MNT: variants seen among roughly 807,000 people sequenced by gnomAD.
MNT encodes the protein MAX network transcriptional repressor.
Under a neutral mutation model 40.7 loss-of-function variants are expected in MNT, and 13 were observed. The ratio of observed to expected loss-of-function variants is 0.32; its 90% CI spans 0.21 to 0.51. MNT has a LOEUF of 0.51. Ranked by LOEUF, MNT falls within the 20% of genes least tolerant of loss-of-function variation. The pLI is 0.98. For missense variants in MNT, 757 were observed against 792.0 expected, an observed-to-expected ratio of 0.96 and a Z score of 0.53; for synonymous variants, 426 against 354.8, an observed-to-expected ratio of 1.20 and a Z score of -2.26.
In MNT at chr17:2,401,022, C is replaced by CG; in HGVS notation, c.-311dup. On this transcript the variant is annotated 5_prime_UTR_variant, in exon 1 of 6. Coordinates refer to ENST00000174618, the MANE Select transcript of MNT (RefSeq NM_020310.3). ...CCGATGCCTCCCGCCCCGCGGCCCCCGGGAGTCCCGCCGACAAGAAAGGGC... is the reference window on the plus strand; with the variant it reads ...CCGATGCCTCCCGCCCCGCGGCCCCCGGGGAGTCCCGCCGACAAGAAAGGGC... The CG allele has an allele frequency of 3.8e-6, 1 of 260,922 alleles. No individual in the cohort carries two copies. The highest frequency in any genetic ancestry group is 1.1e-3 in the Middle Eastern group (1 of 872). 16.2% of individuals were successfully genotyped at this position (260,922 alleles called of 1,614,324 possible). A position where few individuals can be genotyped will look rare whatever the true frequency, so the allele number is the denominator to read the frequency against.
chr17:2,394,284 C>CACACAA, intron 3 of MNT, 21 bp downstream of exon 3: 1 of 1,608,542 alleles, frequency 6.2e-7, no homozygotes, highest in Non-Finnish European at 8.5e-7. Context: ...CACGCACACA[C>CACACAA]ACACACACAC....
intron 4 of MNT, among the ~76,000 whole-genome samples, chr17:2,389,047 C>A (rs921775364): frequency 6.6e-6 from 1 of 151,914 alleles, no homozygotes; most frequent in Non-Finnish European, 1.5e-5. Flanking sequence ...CTCTGAACCC[C>A]GTCTGCCCTC....
chr17:2,395,172 C>T lies in MNT; in HGVS notation c.356G>A (p.Arg119His), dbSNP rs756345161. 7 of 1,408,616 alleles carry T rather than the reference C, an allele frequency of 5.0e-6. No individual in the cohort carries two copies. The highest frequency in any genetic ancestry group is 2.6e-5 in the East Asian group (1 of 38,354). 87.3% of individuals were successfully genotyped at this position (1,408,616 alleles called of 1,614,324 possible). Reference protein sequence around the residue: ...AAAQPLPLAPRQPALVGAPGL... With the variant: ...AAAQPLPLAPHQPALVGAPGL... ...GGGGGCGCCAACCAGGGCCGGCTGA[C>T]GAGGCGCCAGGGGCAGAGGCTGGGC... Residue 119 changes from arginine to histidine, a missense_variant, in exon 2 of 6, where the codon CGT becomes CAT. Arg to His is a conservative substitution (Grantham distance 29). This residue lies in a region of MNT where 335 missense variants were observed against 291.4 expected (regional missense o/e 1.15). Coordinates refer to ENST00000174618, the MANE Select transcript of MNT (RefSeq NM_020310.3).
At chr17:2,397,664 G>A (rs1176428674) in intron 1 of MNT, among the ~76,000 whole-genome samples, 1 of 152,154 alleles carries the variant, frequency 6.6e-6, no homozygotes, top group Non-Finnish European at 1.5e-5. Context: ...TACACCTGGA[G>A]CAGCATGAAA....
chr17:2,387,428 G>T lies in MNT; in HGVS notation c.1222C>A (p.Pro408Thr). 1.2e-6 allele frequency: 2 copies of T among 1,612,138 alleles called. No individual in the cohort carries two copies. The highest frequency in any genetic ancestry group is 1.7e-6 in the Non-Finnish European group (2 of 1,178,962). ...VQQQQPQQKTPLPAPPPPPAA... is the reference protein window; with the variant it reads ...VQQQQPQQKTTLPAPPPPPAA... ...GGTGGGGGAGGAGGGGCTGGCAGAG[G>T]GGTCTTCTGCTGTGGCTGCTGCTGC... The change falls in exon 6 of 6, where the codon CCT (proline) becomes ACT (threonine). Residue 408 changes from proline to threonine, a missense_variant. Transcript: ENST00000174618.
intron 1 of MNT, among the ~76,000 whole-genome samples, chr17:2,397,132 G>C (rs944990859): frequency 6.6e-6 from 1 of 152,202 alleles, no homozygotes. Context: ...GCCAGCCAGC[G>C]GGCCTCTTCC....
chr17:2,400,729 G>T lies in MNT; in HGVS notation c.-17C>A. On this transcript the variant is annotated 5_prime_UTR_variant, in exon 1 of 6. Transcript: ENST00000174618. ...TATGCTCATCGCGCCGAGAGCTGCC[G>T]GGGGCGCGCCGGGGCCGAGGCTGCG... 1 of 1,536,436 alleles carries T rather than the reference G, an allele frequency of 6.5e-7. No individual in the cohort carries two copies. The highest frequency in any genetic ancestry group is 2.6e-5 in the East Asian group (1 of 37,782).
At chr17:2,387,801 G>A (rs2066479714) in intron 5 of MNT, 56 bp downstream of exon 5, 5 of 1,556,028 alleles carry the variant, frequency 3.2e-6, no homozygotes, top group South Asian at 1.2e-5. Flanking sequence ...AGGGAGGCTG[G>A]AATTTGAGGT....
intron 4 of MNT, chr17:2,390,319 G>A (rs2151666888): frequency 6.6e-6 from 1 of 152,468 alleles, no homozygotes; most frequent in South Asian, 2.1e-4. Context: ...ATTAGACCCA[G>A]GTTTCCCTTC....
At position 2,395,266 on chromosome 17, in the gene MNT, C is replaced by A; in HGVS notation, c.262G>T (p.Val88Phe). The part of the protein sequence containing the change: ...PPLATPAPLT[V>F]IPIPVVTNSP... ...TTGGTCACCACAGGGATAGGGATGA[C>A]AGTCAGTGGGGCAGGGGTGGCAAGT... The change falls in exon 2 of 6, where the codon GTC (valine) becomes TTC (phenylalanine). Residue 88 changes from valine (V) to phenylalanine (F), a missense_variant. Val to Phe is a conservative substitution (Grantham distance 50). This residue lies in a region of MNT where 335 missense variants were observed against 291.4 expected (regional missense o/e 1.15). Transcript: ENST00000174618. 6.5e-7 allele frequency: 1 copy of A among 1,527,790 alleles called. No homozygotes were observed. The highest frequency in any genetic ancestry group is 1.2e-5 in the South Asian group (1 of 83,334). The allele number at this position is 1,527,790 out of a possible 1,614,324, so 94.6% of individuals were successfully genotyped here. A position where few individuals can be genotyped will look rare whatever the true frequency, so the allele number is the denominator to read the frequency against.
chr17:2,395,313 G>A lies in MNT; in HGVS notation c.215C>T (p.Pro72Leu). The change falls in exon 2 of 6, where the codon CCC becomes CTC. Residue 72 changes from proline (P) to leucine (L), a missense_variant. Transcript: ENST00000174618. The stretch of plus-strand genomic sequence containing the variant: ...AAGTGGTGGTGGGGGTGCCGGCGGG[G>A]GAGCCGGTGGAGACAGAGGCAGGGG... ...APPLPLSPPA[P>L]PPAPPPPLAT... The A allele has an allele frequency of 1.2e-6, 2 of 1,602,662 alleles. No individual in the cohort carries two copies. The highest frequency in any genetic ancestry group is 2.2e-5 in the South Asian group (2 of 90,336).
chr17:2,393,993 C>T, intron 4 of MNT, 50 bp downstream of exon 4: 1 of 1,339,594 alleles, frequency 7.5e-7, no homozygotes. Flanking sequence ...GGAGGGGCGG[C>T]GGAGGGAGGG....
rs1447676076 is a variant in MNT, at chr17:2,386,916, T to G, written c.1734A>C (p.Thr578=). The G allele has an allele frequency of 6.8e-7, 1 of 1,478,000 alleles. No homozygotes were observed. The highest frequency in any genetic ancestry group is 1.4e-5 in the South Asian group (1 of 70,706). The allele number at this position is 1,478,000 out of a possible 1,614,324, so 91.6% of individuals were successfully genotyped here. Residue 578 remains threonine, a synonymous_variant, in exon 6 of 6, where the codon ACA becomes ACC. Coordinates refer to ENST00000174618, the MANE Select transcript of MNT (RefSeq NM_020310.3). ...GGCCTCGTCCTCAAGCCAGCTTGAGTGTGCTGACTGGGAAGGAGGGCATGG... is the reference window on the plus strand; with the variant it reads ...GGCCTCGTCCTCAAGCCAGCTTGAGGGTGCTGACTGGGAAGGAGGGCATGG... ...MVTMPSFPVS[T]LKLA
chr17:2,390,420 G>A (rs1475252317), intron 4 of MNT: 1 of 152,314 alleles, frequency 6.6e-6, no homozygotes, highest in Non-Finnish European at 1.5e-5. Flanking sequence ...GAGCAGCGAT[G>A]GCGCTCTGAT....
rs777482599 is a variant in MNT at position 2,386,881 on chromosome 17, G to A, written c.*20C>T. On this transcript the variant is annotated 3_prime_UTR_variant, in exon 6 of 6. Transcript: ENST00000174618. The stretch of plus-strand genomic sequence containing the variant: ...GTCCCCCTCCCTGTCCCCACTGGGG[G>A]CCTCTGAGTGGCCTCGTCCTCAAGC... 4 of 1,453,366 alleles carry A rather than the reference G, an allele frequency of 2.8e-6. No individual in the cohort carries two copies. The highest frequency in any genetic ancestry group is 2.8e-5 in the Admixed American group (1 of 35,274). The allele number at this position is 1,453,366 out of a possible 1,614,324, so 90.0% of individuals were successfully genotyped here.
At position 2,384,252 on chromosome 17, in the gene MNT, T is replaced by TC. The variant is rs1259286706; in HGVS notation, c.*2648dup. ...AGGGTTTTTGTAGTTTTTTTTTTTT[T>TC]CCACACAGCAGATGTATCCAAACAC... is the stretch of plus-strand genomic sequence containing the variant. On this transcript the variant is annotated 3_prime_UTR_variant, in exon 6 of 6. Transcript: ENST00000174618. The TC allele has an allele frequency of 6.6e-5, 10 of 152,408 alleles. No individual in the cohort carries two copies. In the South Asian group the frequency reaches 8.3e-4, roughly 13 times the overall value. The allele number at this position is 152,408 out of a possible 1,614,324, so 9.4% of individuals were successfully genotyped here.
intron 3 of MNT, 68 bp from the exon 4 acceptor site, chr17:2,394,222 G>C: frequency 1.9e-6 from 3 of 1,593,702 alleles, no homozygotes; most frequent in Non-Finnish European, 2.6e-6. Flanking sequence ...AGGCAGGACC[G>C]GGGAAGCTGG....
At chr17:2,394,706 C>CG (rs1333979086) in intron 2 of MNT, among the ~76,000 whole-genome samples, 169 bp downstream of exon 2, 1 of 152,144 alleles carries the variant, frequency 6.6e-6, no homozygotes, top group African/African-American at 2.4e-5. Context: ...AGCCTGGGAA[C>CG]GGGGGGCAAT....
intron 5 of MNT, 86 bp from the exon 6 acceptor site, chr17:2,387,735 T>A: frequency 6.4e-7 from 1 of 1,569,942 alleles, no homozygotes; most frequent in Non-Finnish European, 8.7e-7. Flanking sequence ...GGCGTGGGAA[T>A]GTGATGGGGC....
Sources: gnomAD v4.1 joint callset for allele counts (sites outside exome capture counted in the v4.1 genomes callset) on GRCh38, gnomAD v4.1.1 for gene constraint, gnomAD v4.1.1 regional missense constraint, MANE v1.5 for transcripts, NCBI Gene and HGNC (gene_info 2026-07-23, HGNC 2026-07-21) for gene names.